Variants in NKAIN2 observed in about 807,000 individuals in gnomAD.
NKAIN2 encodes sodium/potassium transporting ATPase interacting 2.
A neutral mutation model predicts 32.6 loss-of-function variants in NKAIN2; 14 were observed. The ratio of observed to expected loss-of-function variants is 0.43; its 90% CI spans 0.28 to 0.67. The LOEUF (loss-of-function observed/expected upper bound fraction) is 0.67, where lower values mean the gene tolerates loss of function less well. Among genes scored for constraint, NKAIN2 ranks in the 30% least tolerant of loss-of-function variants. The probability of loss-of-function intolerance (pLI) is 0.17; values close to 1 mark genes in which losing one functional copy is unlikely to be tolerated. For synonymous variants in NKAIN2, 80 were observed against 87.2 expected, an observed-to-expected ratio of 0.92 and a Z score of 0.46; for missense variants, 198 against 258.3, an observed-to-expected ratio of 0.77 and a Z score of 1.60.
At chr6:124,327,943 G>C (rs1049551783) in intron 2 of NKAIN2, among the ~76,000 whole-genome samples, 11 of 152,130 alleles carry the variant, frequency 7.2e-5, no homozygotes, top group Admixed American at 2.0e-4. Context: ...AAAGAGGCTA[G>C]TCACATTCAA....
At chr6:124,117,823 T>G (rs868493108) in intron 1 of NKAIN2, among the ~76,000 whole-genome samples, 12 of 151,646 alleles carry the variant, frequency 7.9e-5, no homozygotes, top group Middle Eastern at 3.4e-3. Context: ...ATATAATATT[T>G]ATTCAATTTT....
intron 3 of NKAIN2, among the ~76,000 whole-genome samples, chr6:124,500,416 A>C (rs1778241305): frequency 6.6e-6 from 1 of 152,070 alleles, no homozygotes; most frequent in Admixed American, 6.6e-5. Context: ...TGGGAGGCTG[A>C]GGCTGGTGGA....
intron 1 of NKAIN2, among the ~76,000 whole-genome samples, chr6:124,259,225 T>C (rs1395792113): frequency 6.6e-6 from 1 of 152,100 alleles, no homozygotes; most frequent in African/African-American, 2.4e-5. Flanking sequence ...GGAATAAAAT[T>C]GATGGAATAA....
At chr6:124,278,652 TATA>T (rs1264350553) in intron 1 of NKAIN2, among the ~76,000 whole-genome samples, 38 of 48,818 alleles carry the variant, frequency 7.8e-4, no homozygotes, top group African/African-American at 4.4e-3. Context: ...ACATAGCTCA[TATA>T]TATATATATA....
At chr6:124,481,511 C>T (rs542475351) in intron 3 of NKAIN2, among the ~76,000 whole-genome samples, 2 of 152,204 alleles carry the variant, frequency 1.3e-5, no homozygotes, top group South Asian at 2.1e-4. Flanking sequence ...TAATCTATGA[C>T]AGTATTACCA....
intron 1 of NKAIN2, among the ~76,000 whole-genome samples, chr6:124,261,722 T>C (rs1477896711): frequency 1.3e-5 from 2 of 152,062 alleles, no homozygotes; most frequent in Non-Finnish European, 2.9e-5. Flanking sequence ...TAGCAGGGCA[T>C]TGTGGCGTGC....
rs190181983 is a variant in NKAIN2 at position 124,144,792 on chromosome 6, A to T, written c.55-138213A>T. ...AAATATGGATAAATTGGGCCTAATT[A>T]AAAAAAGTTTGCTCTGCAAAAGTTA... is the stretch of plus-strand genomic sequence containing the variant. On this transcript the variant is annotated intron_variant, in intron 1 of 6. Transcript: ENST00000368417. 1.3e-4 allele frequency among the ~76,000 whole-genome samples: 20 copies of T among 152,244 alleles called. No individual in the cohort carries two copies. In the East Asian group the frequency reaches 3.3e-3, roughly 25 times the overall value.
chr6:124,040,827 A>G (rs1385198785), intron 1 of NKAIN2, among the ~76,000 whole-genome samples: 2 of 151,994 alleles, frequency 1.3e-5, no homozygotes, highest in African/African-American at 2.4e-5. Context: ...AGTGGTACTT[A>G]TTTCAGTGAC....
At chr6:124,041,532 C>G (rs542357916) in intron 1 of NKAIN2, among the ~76,000 whole-genome samples, 3 of 151,884 alleles carry the variant, frequency 2.0e-5, no homozygotes, top group Non-Finnish European at 4.4e-5. Context: ...ATATATTAGT[C>G]TCATGCTAGC....
rs777078341 is a variant in NKAIN2, at chr6:123,804,160, C to G, written c.-41C>G. On this transcript the variant is annotated 5_prime_UTR_variant, in exon 1 of 7. Transcript: ENST00000368417. ...GATAAAGTGGGGGCTCGACGGTGGC[C>G]GACGTGGGACAGTCTGGCTGTGGCA... 3 of 1,595,696 alleles carry G rather than the reference C, an allele frequency of 1.9e-6. No individual in the cohort carries two copies. The Admixed American group carries it at 5.0e-5, about 27-fold the overall frequency.
rs567660601 is a variant in NKAIN2 at position 124,367,734 on chromosome 6, T to C, written c.273+12387T>C. 2.6e-5 allele frequency among the ~76,000 whole-genome samples: 4 copies of C among 152,226 alleles called. No homozygotes were observed. In the East Asian group the frequency reaches 7.8e-4, roughly 30 times the overall value. The stretch of plus-strand genomic sequence containing the variant: ...GTGAGTTCTTGATTTCTGGCCATCC[T>C]TTGAATCAGAGATCCTAGGGTACAT... On this transcript the variant is annotated intron_variant, in intron 3 of 6. Coordinates refer to ENST00000368417, the MANE Select transcript of NKAIN2 (RefSeq NM_001040214.3).
chr6:124,397,733 A>T (rs1303906976), intron 3 of NKAIN2, among the ~76,000 whole-genome samples: 1 of 152,186 alleles, frequency 6.6e-6, no homozygotes, highest in African/African-American at 2.4e-5. Flanking sequence ...TCAGGTAGTC[A>T]GGTGTTATTA....
At chr6:124,574,167 C>T (rs145925489) in intron 3 of NKAIN2, among the ~76,000 whole-genome samples, 203 of 152,184 alleles carry the variant, frequency 1.3e-3, no homozygotes, top group African/African-American at 4.7e-3. Context: ...TCTGGAGAGC[C>T]CTTTGGAAGA....
chr6:124,610,731 T>C (rs1011057902), intron 3 of NKAIN2, among the ~76,000 whole-genome samples: 2 of 152,144 alleles, frequency 1.3e-5, no homozygotes, highest in Non-Finnish European at 2.9e-5. Flanking sequence ...GATAACAACT[T>C]TTCCTACTTC....
chr6:124,710,185 G>A (rs1775364774), intron 4 of NKAIN2, among the ~76,000 whole-genome samples: 3 of 151,722 alleles, frequency 2.0e-5, no homozygotes, highest in Admixed American at 2.0e-4. Flanking sequence ...ATTGCACTGT[G>A]GTCTGAGAGA....
intron 1 of NKAIN2, among the ~76,000 whole-genome samples, chr6:124,019,824 A>T (rs1780785614): frequency 6.6e-6 from 1 of 152,124 alleles, no homozygotes; most frequent in African/African-American, 2.4e-5. Flanking sequence ...TCCTGCCCTC[A>T]CTGGGGATAA....
intron 1 of NKAIN2, among the ~76,000 whole-genome samples, chr6:123,867,920 G>A: frequency 6.7e-6 from 1 of 148,314 alleles, no homozygotes. Context: ...CCAGGCTGGA[G>A]TGCAGTGGCG....
chr6:124,059,727 G>T (rs1782837690), intron 1 of NKAIN2, among the ~76,000 whole-genome samples: 2 of 152,120 alleles, frequency 1.3e-5, no homozygotes, highest in East Asian at 1.9e-4. Context: ...TTGGCTCTAG[G>T]TTGGCAGTTC....
intron 2 of NKAIN2, among the ~76,000 whole-genome samples, chr6:124,311,771 G>A (rs1471319669): frequency 6.6e-6 from 1 of 152,094 alleles, no homozygotes; most frequent in African/African-American, 2.4e-5. Flanking sequence ...TAAGAGACCT[G>A]GTTGCAGAAA....
Sources: allele counts gnomAD v4.1 joint callset (sites outside exome capture counted in the v4.1 genomes callset), GRCh38; gene constraint gnomAD v4.1.1; transcripts MANE v1.5; gene names NCBI Gene and HGNC (gene_info 2026-07-23, HGNC 2026-07-21).